The following HECW1 variants were observed in gnomAD, a reference collection of about 807,000 sequenced individuals.
HECW1 encodes HECT, C2 and WW domain containing E3 ubiquitin protein ligase 1, also known as E3 ubiquitin-protein ligase HECW1.
Under a neutral mutation model 182.3 loss-of-function variants are expected in HECW1, and 61 were observed. The observed-to-expected ratio is 0.33, with a 90% CI of 0.27 to 0.41. The LOEUF (loss-of-function observed/expected upper bound fraction) is 0.41, where lower values mean the gene tolerates loss of function less well. Ranked by LOEUF, HECW1 falls within the 10% of genes least tolerant of loss-of-function variation. The pLI is 1.00. For synonymous variants in HECW1, 859 were observed against 832.6 expected (o/e 1.03, Z -0.55); for missense variants, 1,739 against 2,108.9 (o/e 0.82, Z 3.44).
intron 2 of HECW1, chr7:43,118,898 C>G (rs1291790653): frequency 6.6e-6 from 1 of 152,110 alleles, no homozygotes; most frequent in Admixed American, 6.5e-5. Context: ...TATAAAACCG[C>G]TCCCTGACTC....
chr7:43,414,667 G>T (rs1333227874), intron 8 of HECW1, among the ~76,000 whole-genome samples: 2 of 148,534 alleles, frequency 1.3e-5, no homozygotes, highest in Non-Finnish European at 1.5e-5. Flanking sequence ...TAGCATGAAG[G>T]GTTGTTGAAT....
intron 24 of HECW1, among the ~76,000 whole-genome samples, chr7:43,515,338 T>C (rs540064540): frequency 3.9e-5 from 6 of 152,162 alleles, no homozygotes; most frequent in Non-Finnish European, 7.3e-5. Context: ...ATCAGATCTT[T>C]ATTAAACTCA....
At chr7:43,435,026 A>G (rs954699530) in intron 8 of HECW1, among the ~76,000 whole-genome samples, 13 of 152,152 alleles carry the variant, frequency 8.5e-5, no homozygotes, top group Middle Eastern at 6.8e-3. Context: ...GTCTTTTTCT[A>G]TTCATATAAT....
intron 2 of HECW1, among the ~76,000 whole-genome samples, chr7:43,233,231 T>C (rs1313832891): frequency 1.3e-5 from 2 of 152,258 alleles, no homozygotes; most frequent in Admixed American, 6.5e-5. Context: ...TTGGATATTA[T>C]AATTTTTCTT....
At chr7:43,245,799 C>A (rs1799326039) in intron 3 of HECW1, 2 of 152,170 alleles carry the variant, frequency 1.3e-5, no homozygotes, top group African/African-American at 4.8e-5. Context: ...ACACAGGGAA[C>A]CTGAAAGGAC....
intron 25 of HECW1, 79 bp from the exon 26 acceptor site, chr7:43,541,790 A>T: frequency 7.8e-7 from 1 of 1,276,776 alleles, no homozygotes; most frequent in Non-Finnish European, 1.0e-6. Context: ...TTTAGCCAGG[A>T]ATGATATAAC....
At chr7:43,445,951 A>G (rs555038153) in intron 11 of HECW1, among the ~76,000 whole-genome samples, 2 of 152,384 alleles carry the variant, frequency 1.3e-5, no homozygotes, top group Admixed American at 1.3e-4. Context: ...ATCTATCTAC[A>G]TTAAATGGAT....
At chr7:43,467,776 CAA>C (rs2077847359) in intron 15 of HECW1, among the ~76,000 whole-genome samples, 2 of 151,960 alleles carry the variant, frequency 1.3e-5, no homozygotes, top group Non-Finnish European at 2.9e-5. Context: ...GATGAGAACT[CAA>C]AAAAGACAGT....
At chr7:43,369,355 G>A (rs1817030991) in intron 6 of HECW1, among the ~76,000 whole-genome samples, 1 of 152,168 alleles carries the variant, frequency 6.6e-6, no homozygotes, top group East Asian at 1.9e-4. Context: ...CTACTCGGGA[G>A]GCTGAGGCAA....
intron 5 of HECW1, among the ~76,000 whole-genome samples, chr7:43,331,592 CA>C (rs71562088): frequency 2.4e-3 from 301 of 123,608 alleles, no homozygotes; most frequent in South Asian, 0.022. Flanking sequence ...GACTCTGTCT[CA>C]AAAAAAAAAA....
At chr7:43,362,970 T>C (rs1304307300) in intron 6 of HECW1, among the ~76,000 whole-genome samples, 1 of 152,240 alleles carries the variant, frequency 6.6e-6, no homozygotes, top group Non-Finnish European at 1.5e-5. Flanking sequence ...AATGATACTG[T>C]GGGTGTGTTG....
At chr7:43,242,736 A>G (rs984009692) in intron 2 of HECW1, among the ~76,000 whole-genome samples, 1 of 152,120 alleles carries the variant, frequency 6.6e-6, no homozygotes, top group African/African-American at 2.4e-5. Context: ...CCAAGGAGGA[A>G]GGCAGTGCAG....
At chr7:43,480,409 G>A (rs375349623) in intron 17 of HECW1, among the ~76,000 whole-genome samples, 63 of 152,120 alleles carry the variant, frequency 4.1e-4, no homozygotes, top group African/African-American at 1.4e-3. Context: ...AATATCATGA[G>A]CAAATTTCTT....
At chr7:43,557,776 C>T (rs951191459) in intron 29 of HECW1, among the ~76,000 whole-genome samples, 1 of 152,180 alleles carries the variant, frequency 6.6e-6, no homozygotes, top group African/African-American at 2.4e-5. Context: ...CAACTCAGGA[C>T]ATGCACATGT....
rs140517807 is a variant in HECW1, at chr7:43,169,135, G to T, written c.-32+54744G>T. ...ATTTACATTACTGGGTAATTACAAG[G>T]GATCATATGCTATTCATTGCTACTC... is the stretch of plus-strand genomic sequence containing the variant. On this transcript the variant is annotated intron_variant, in intron 2 of 29. Transcript: ENST00000395891. Among the ~76,000 whole-genome samples the T allele has an allele frequency of 1.2e-4, 18 of 152,178 alleles. No homozygotes were observed. In the East Asian group the frequency reaches 3.3e-3, roughly 28 times the overall value.
At chr7:43,390,622 C>T (rs2074991454) in intron 6 of HECW1, among the ~76,000 whole-genome samples, 1 of 151,272 alleles carries the variant, frequency 6.6e-6, no homozygotes, top group African/African-American at 2.4e-5. Flanking sequence ...AGCAGCCAGG[C>T]TAGATCTGAG....
At chr7:43,330,863 AAAG>A (rs1811378515) in intron 5 of HECW1, among the ~76,000 whole-genome samples, 1 of 152,182 alleles carries the variant, frequency 6.6e-6, no homozygotes, top group Non-Finnish European at 1.5e-5. Context: ...CTGCACTGAT[AAAG>A]AAGAGGCCAG....
At chr7:43,361,057 C>T (rs942681074) in intron 6 of HECW1, 77 bp downstream of exon 6, 28 of 638,006 alleles carry the variant, frequency 4.4e-5, no homozygotes, top group Middle Eastern at 7.7e-4. Context: ...CTTGTGCGTG[C>T]GTGTGTGTGT....
chr7:43,485,221 G>A (rs1208745109), intron 17 of HECW1, among the ~76,000 whole-genome samples: 1 of 152,160 alleles, frequency 6.6e-6, no homozygotes, highest in Non-Finnish European at 1.5e-5. Context: ...TTTGCAGTGA[G>A]CTTCTTTGAT....
Sources: allele counts gnomAD v4.1 joint callset (sites outside exome capture counted in the v4.1 genomes callset), GRCh38; gene constraint gnomAD v4.1.1; transcripts MANE v1.5; gene names NCBI Gene and HGNC (gene_info 2026-07-23, HGNC 2026-07-21).